The following TFPI variants were observed in gnomAD, a reference collection of about 807,000 sequenced individuals.
TFPI encodes the protein tissue factor pathway inhibitor.
A neutral mutation model predicts 34.6 loss-of-function variants in TFPI; 15 were observed. The observed-to-expected ratio is 0.43, with a 90% confidence interval of 0.29 to 0.67. The LOEUF (loss-of-function observed/expected upper bound fraction) is 0.67, where lower values mean the gene tolerates loss of function less well. Ranked by LOEUF, TFPI falls within the 30% of genes least tolerant of loss-of-function variation. TFPI has a pLI of 0.15. For missense variants in TFPI, 301 were observed against 364.0 expected, an observed-to-expected ratio of 0.83 and a Z score of 1.41; for synonymous variants, 105 against 120.1, an observed-to-expected ratio of 0.87 and a Z score of 0.82.
At position 187,519,906 on chromosome 2, in the gene TFPI, C is replaced by CT. The variant is rs1352343417; in HGVS notation, c.-2-16137dup. The CT allele has an allele frequency of 1.1e-4, 16 of 152,156 alleles. 1 individual carries two copies. The highest frequency in any genetic ancestry group is 3.9e-4 in the African/African-American group (16 of 41,378). 9.4% of individuals were successfully genotyped at this position (152,156 alleles called of 1,614,324 possible). A position where few individuals can be genotyped will look rare whatever the true frequency, so the allele number is the denominator to read the frequency against. ...AGAGGCTTTGCTGAGCTGTTGTGGG[C>CT]TTCGCCCAGTTGGAACTTCCCTGGG... On this transcript the variant is annotated intron_variant, in intron 1 of 7. Transcript: ENST00000233156.
At chr2:187,473,125 AAATAT>A (rs1201162792) in intron 6 of TFPI, among the ~76,000 whole-genome samples, 3 of 152,170 alleles carry the variant, frequency 2.0e-5, no homozygotes, top group Non-Finnish European at 4.4e-5. Flanking sequence ...AGAATCAAGA[AAATAT>A]AATAATTTAT....
intron 3 of TFPI, among the ~76,000 whole-genome samples, chr2:187,492,165 T>C (rs913642886): frequency 6.6e-6 from 1 of 152,226 alleles, no homozygotes; most frequent in Non-Finnish European, 1.5e-5. Context: ...ACTCTGATAC[T>C]TCTTTGGCTG....
intron 2 of TFPI, among the ~76,000 whole-genome samples, chr2:187,503,371 C>T (rs1165693326): frequency 1.3e-5 from 2 of 151,466 alleles, no homozygotes; most frequent in African/African-American, 4.9e-5. Context: ...GGAGCTACTC[C>T]AGTGTTTAAT....
intron 3 of TFPI, among the ~76,000 whole-genome samples, 195 bp from the exon 4 acceptor site, chr2:187,488,570 A>C (rs547134283): frequency 1.3e-5 from 2 of 151,466 alleles, no homozygotes; most frequent in South Asian, 4.1e-4. Flanking sequence ...CCATGAAGCC[A>C]CTTCATTTCA....
intron 1 of TFPI, chr2:187,527,121 T>A (rs1007825904): frequency 1.3e-5 from 2 of 152,194 alleles, no homozygotes; most frequent in African/African-American, 4.8e-5. Flanking sequence ...TACAGCACAC[T>A]AATACCAAAG....
intron 1 of TFPI, among the ~76,000 whole-genome samples, chr2:187,507,432 T>A (rs1442107444): frequency 6.6e-6 from 1 of 152,154 alleles, no homozygotes; most frequent in Non-Finnish European, 1.5e-5. Context: ...TTCTAGATCC[T>A]TGAGGAATTG....
intron 1 of TFPI, among the ~76,000 whole-genome samples, chr2:187,550,270 G>A (rs1689049274): frequency 6.6e-6 from 1 of 152,092 alleles, no homozygotes; most frequent in Non-Finnish European, 1.5e-5. Context: ...GGTTAGAGGG[G>A]CCCACACATG....
intron 4 of TFPI, among the ~76,000 whole-genome samples, chr2:187,485,192 A>C (rs985646510): frequency 6.6e-6 from 1 of 151,832 alleles, no homozygotes; most frequent in African/African-American, 2.4e-5. Flanking sequence ...TAAATTTCTC[A>C]TAGTAAATTA....
At chr2:187,530,797 C>A (rs542686146) in intron 1 of TFPI, among the ~76,000 whole-genome samples, 2 of 152,036 alleles carry the variant, frequency 1.3e-5, no homozygotes, top group Non-Finnish European at 2.9e-5. Flanking sequence ...TGAAATAAAT[C>A]TTTTATGAAT....
intron 1 of TFPI, among the ~76,000 whole-genome samples, chr2:187,539,089 TG>T (rs1326968425): frequency 1.1e-3 from 159 of 144,612 alleles, no homozygotes; most frequent in Non-Finnish European, 1.9e-3. Flanking sequence ...AAATAGAGTG[TG>T]TGTGTGTGTG....
chr2:187,475,128 T>G (rs1692289898), intron 6 of TFPI, among the ~76,000 whole-genome samples: 1 of 152,156 alleles, frequency 6.6e-6, no homozygotes, highest in Non-Finnish European at 1.5e-5. Context: ...AACTTACACT[T>G]TTATTATTCT....
At chr2:187,536,254 A>G (rs1362560131) in intron 1 of TFPI, among the ~76,000 whole-genome samples, 2 of 152,356 alleles carry the variant, frequency 1.3e-5, no homozygotes, top group Non-Finnish European at 2.9e-5. Context: ...TCATCCTGAT[A>G]CCAAAACCTG....
Position 187,488,393 on chromosome 2 carries a change from T to C in TFPI, c.320-18A>G, listed in dbSNP as rs202144288. 924 of 1,456,470 alleles carry C rather than the reference T, an allele frequency of 6.3e-4. 2 individuals carry two copies. Among genetic ancestry groups the C allele is most frequent in the Middle Eastern group, 4.3e-3 (24 of 5,594 alleles). The allele number at this position is 1,456,470 out of a possible 1,614,324, so 90.2% of individuals were successfully genotyped here. On this transcript the variant is annotated intron_variant, in intron 3 of 7. Transcript: ENST00000233156. ...TGCATTATCTGTAATCAAAAGAATA[T>C]ATGCATATCAATTGTCACAATTTAT... is the stretch of plus-strand genomic sequence containing the variant.
At chr2:187,525,329 A>C (rs969006250) in intron 1 of TFPI, among the ~76,000 whole-genome samples, 3 of 152,026 alleles carry the variant, frequency 2.0e-5, no homozygotes, top group African/African-American at 7.2e-5. Context: ...ACTTCCCAAT[A>C]ATTACTTTGT....
At chr2:187,542,329 G>A (rs569986596) in intron 1 of TFPI, among the ~76,000 whole-genome samples, 77 of 151,182 alleles carry the variant, frequency 5.1e-4, no homozygotes, top group Admixed American at 3.2e-3. Flanking sequence ...TGTAATGAAT[G>A]TGTGTTTGTG....
chr2:187,489,688 A>G (rs1203785167), intron 3 of TFPI, among the ~76,000 whole-genome samples: 1 of 151,566 alleles, frequency 6.6e-6, no homozygotes, highest in Non-Finnish European at 1.5e-5. Flanking sequence ...AATTTTTAAA[A>G]GAACATCTAT....
chr2:187,465,581 A>G lies in TFPI; in HGVS notation c.*1355T>C, dbSNP rs1012793160. 2 of 151,566 alleles carry G rather than the reference A, an allele frequency of 1.3e-5. No individual in the cohort carries two copies. Among genetic ancestry groups the G allele is most frequent in the Non-Finnish European group, 2.9e-5 (2 of 67,882 alleles). 9.4% of individuals were successfully genotyped at this position (151,566 alleles called of 1,614,324 possible). On this transcript the variant is annotated 3_prime_UTR_variant, in exon 8 of 8. Coordinates refer to ENST00000233156, the MANE Select transcript of TFPI (RefSeq NM_006287.6). ...GTGAACTTTTTCGAAAAAAAAAAAA[A>G]AAAGCATAAAGATTTGGAGACTGTT...
At chr2:187,526,009 C>T (rs917268116) in intron 1 of TFPI, among the ~76,000 whole-genome samples, 12 of 152,212 alleles carry the variant, frequency 7.9e-5, no homozygotes, top group Admixed American at 7.2e-4. Context: ...CTAGAACCTA[C>T]TACATAGTAT....
intron 3 of TFPI, among the ~76,000 whole-genome samples, chr2:187,491,363 C>T (rs1685112607): frequency 6.6e-6 from 1 of 151,950 alleles, no homozygotes; most frequent in South Asian, 2.1e-4. Context: ...TCCCATCTTC[C>T]TGAGTGTCCA....
Sources: allele counts gnomAD v4.1 joint callset (sites outside exome capture counted in the v4.1 genomes callset), GRCh38; gene constraint gnomAD v4.1.1; transcripts MANE v1.5; gene names NCBI Gene and HGNC (gene_info 2026-07-23, HGNC 2026-07-21).